The following TENM1 variants were observed in gnomAD, a reference collection of about 807,000 sequenced individuals.
TENM1 encodes the protein teneurin-1.
TENM1 carries 35 observed loss-of-function variants against 174.8 expected under a neutral mutation model. The ratio of observed to expected loss-of-function variants is 0.20; its 90% confidence interval spans 0.15 to 0.27. The LOEUF (loss-of-function observed/expected upper bound fraction) is 0.27. Ranked by LOEUF, TENM1 falls within the 10% of genes least tolerant of loss-of-function variation. The pLI is 1.00. For synonymous variants in TENM1, 781 were observed against 798.7 expected (o/e 0.98, Z 0.37); for missense variants, 1,633 against 2,130.1 (o/e 0.77, Z 4.59).
intron 11 of TENM1, among the ~76,000 whole-genome samples, chrX:124,575,273 TCATTTTAACA>T (rs2049142154): frequency 8.9e-6 from 1 of 112,077 alleles, no homozygotes; most frequent in Non-Finnish European, 1.9e-5. Flanking sequence ...TAGTATCTCC[TCATTTTAACA>T]CAGAAAACCT....
intron 3 of TENM1, among the ~76,000 whole-genome samples, chrX:124,821,288 G>A (rs1449337036): frequency 9.0e-6 from 1 of 111,718 alleles, no homozygotes; most frequent in Non-Finnish European, 1.9e-5. Flanking sequence ...TATGTTAACA[G>A]GATAGAGAAT....
intron 1 of TENM1, among the ~76,000 whole-genome samples, chrX:124,910,294 T>C (rs1471730527): frequency 8.9e-6 from 1 of 112,250 alleles, no homozygotes; most frequent in African/African-American, 3.2e-5. Flanking sequence ...CTTATTATCA[T>C]TGCCCCAAAC....
At chrX:125,058,987 T>TCACA in the TENM1 span, among the ~76,000 whole-genome samples, 499 of 103,639 alleles carry the variant, frequency 4.8e-3, 1 homozygote, top group African/African-American at 0.012. Context: ...TTCATCATCA[T>TCACA]CACACACACA....
At chrX:124,734,139 G>GAAAGAAAAGA (rs200773301) in intron 4 of TENM1, among the ~76,000 whole-genome samples, 4 of 111,106 alleles carry the variant, frequency 3.6e-5, no homozygotes, top group Non-Finnish European at 5.7e-5. Context: ...AATTAAAAAA[G>GAAAGAAAAGA]AAAGAAAAGA....
At chrX:124,941,590 T>C (rs1223058761) in intron 1 of TENM1, among the ~76,000 whole-genome samples, 1 of 112,281 alleles carries the variant, frequency 8.9e-6, no homozygotes, top group Non-Finnish European at 1.9e-5. Context: ...AAGTCTTGTA[T>C]ATCTAACTTC....
chrX:124,735,789 A>C (rs2148548311), intron 4 of TENM1, among the ~76,000 whole-genome samples: 1 of 111,833 alleles, frequency 8.9e-6, no homozygotes, highest in Non-Finnish European at 1.9e-5. Context: ...AGCAACATGG[A>C]TAGAGCTGTA....
chrX:124,827,610 C>T (rs1268644491), intron 3 of TENM1, among the ~76,000 whole-genome samples: 1 of 111,477 alleles, frequency 9.0e-6, no homozygotes, highest in Non-Finnish European at 1.9e-5. Flanking sequence ...TGTGACCTTC[C>T]CTGTGGTCAA....
chrX:124,953,439 G>A (rs754648862), intron 1 of TENM1, among the ~76,000 whole-genome samples: 2 of 111,143 alleles, frequency 1.8e-5, no homozygotes, highest in African/African-American at 6.5e-5. Flanking sequence ...GAACAGTCCC[G>A]CTACTTCAGC....
chrX:124,798,158 G>A (rs1279953555), intron 3 of TENM1, among the ~76,000 whole-genome samples: 3 of 111,860 alleles, frequency 2.7e-5, no homozygotes, highest in Admixed American at 1.9e-4. Flanking sequence ...ACATACATGT[G>A]CATGTGTCTT....
chrX:124,766,692 T>C (rs896971966), intron 3 of TENM1, among the ~76,000 whole-genome samples: 1 of 111,089 alleles, frequency 9.0e-6, no homozygotes, highest in Admixed American at 9.6e-5. Flanking sequence ...CTTTTAAGAG[T>C]TCTACTGGAA....
chrX:124,678,029 C>G (rs917633539), intron 5 of TENM1, among the ~76,000 whole-genome samples: 1 of 111,600 alleles, frequency 9.0e-6, no homozygotes, highest in African/African-American at 3.2e-5. Flanking sequence ...AAGGACTGAT[C>G]AAGTGATATG....
At chrX:124,805,511 A>T (rs777728674) in intron 3 of TENM1, among the ~76,000 whole-genome samples, 16 of 113,105 alleles carry the variant, frequency 1.4e-4, no homozygotes, top group East Asian at 2.8e-4. Flanking sequence ...GTATCTATGG[A>T]CTAAGCCTCC....
chrX:124,396,539 G>A (rs2060336850), intron 27 of TENM1, among the ~76,000 whole-genome samples: 1 of 109,999 alleles, frequency 9.1e-6, no homozygotes, highest in Non-Finnish European at 1.9e-5. Context: ...CCTGACCTCA[G>A]GCAATCCACC....
exon 32 of TENM1, chrX:124,379,257 G>A (rs1428929754): frequency 2.7e-5 from 3 of 112,295 alleles, no homozygotes; most frequent in Non-Finnish European, 5.6e-5. Context: ...GGGTAAGTAC[G>A]GAGAACGAAA....
the TENM1 span, among the ~76,000 whole-genome samples, chrX:125,084,157 C>CCT: frequency 9.1e-6 from 1 of 110,375 alleles, no homozygotes. Context: ...ATACTTATAT[C>CCT]CTCTCTTCTC....
chrX:124,935,167 A>G (rs965161357), intron 1 of TENM1, among the ~76,000 whole-genome samples: 1 of 106,721 alleles, frequency 9.4e-6, no homozygotes, highest in Non-Finnish European at 1.9e-5. Flanking sequence ...CCTGAGTCCA[A>G]TTCCCTTTCT....
chrX:124,930,232 C>G lies in TENM1; in HGVS notation c.217+33305G>C, dbSNP rs149551947. On this transcript the variant is annotated intron_variant, in intron 1 of 31. Transcript: ENST00000422452. ...CTTTAAGAATGTATTTCTTTACAGTCTATATTGTCTTGCTCCCTAGTTCTT... is the reference window on the plus strand; with the variant it reads ...CTTTAAGAATGTATTTCTTTACAGTGTATATTGTCTTGCTCCCTAGTTCTT... Among the ~76,000 whole-genome samples, 362 of 112,212 alleles carry G rather than the reference C, an allele frequency of 3.2e-3. 1 individual carries two copies. Among genetic ancestry groups the G allele is most frequent in the African/African-American group, 0.011 (338 of 30,949 alleles).
At chrX:124,670,403 G>T (rs1324203717) in intron 6 of TENM1, among the ~76,000 whole-genome samples, 1 of 111,085 alleles carries the variant, frequency 9.0e-6, no homozygotes, top group African/African-American at 3.3e-5. Context: ...AGGTAAGGGA[G>T]ATAAGGAAGA....
At chrX:124,740,285 A>G (rs2053769760) in intron 3 of TENM1, among the ~76,000 whole-genome samples, 1 of 111,874 alleles carries the variant, frequency 8.9e-6, no homozygotes, top group African/African-American at 3.2e-5. Flanking sequence ...GTGCAAGAGA[A>G]AGGGTTTCTC....
Sources: gnomAD v4.1 joint callset for allele counts (sites outside exome capture counted in the v4.1 genomes callset) on GRCh38, gnomAD v4.1.1 for gene constraint, MANE v1.5 for transcripts, NCBI Gene and HGNC (gene_info 2026-07-23, HGNC 2026-07-21) for gene names.